The following ADGRL2 variants were observed in gnomAD, a reference collection of about 807,000 sequenced individuals.
The protein encoded by ADGRL2 is calcium-independent alpha-latrotoxin receptor 2.
Under a neutral mutation model 157.4 loss-of-function variants are expected in ADGRL2, and 44 were observed. The observed-to-expected ratio is 0.28, with a 90% CI of 0.22 to 0.36. The LOEUF is 0.36. ADGRL2 is among the 10% of genes least tolerant of loss of function. The probability of loss-of-function intolerance (pLI) is 1.00; values close to 1 mark genes in which losing one functional copy is unlikely to be tolerated. For synonymous variants in ADGRL2, 585 were observed against 624.7 expected (o/e 0.94, Z 0.95); for missense variants, 1,510 against 1,768.9 (o/e 0.85, Z 2.63).
chr1:81,896,217 G>T (rs1948395), intron 2 of ADGRL2, among the ~76,000 whole-genome samples: 42,129 of 152,008 alleles, frequency 0.28, 6,454 homozygotes, highest in Non-Finnish European at 0.32. Context: ...AGTTACTTAA[G>T]AATTTTAATT....
intron 1 of ADGRL2, among the ~76,000 whole-genome samples, chr1:81,820,989 T>A (rs550632083): frequency 6.6e-6 from 1 of 152,244 alleles, no homozygotes; most frequent in East Asian, 1.9e-4. Context: ...AGGATCCTTG[T>A]CAGAATTGTC....
At chr1:81,955,643 A>T (rs1315369072) in intron 10 of ADGRL2, 2 of 364,372 alleles carry the variant, frequency 5.5e-6, no homozygotes, top group East Asian at 8.4e-5. Flanking sequence ...CACCTTCTAC[A>T]CTTACTGTTT....
chr1:81,833,681 G>T (rs531717111), intron 1 of ADGRL2, among the ~76,000 whole-genome samples: 1 of 152,230 alleles, frequency 6.6e-6, no homozygotes. Context: ...AAGTAATTTT[G>T]CGGACAGTTT....
At chr1:81,898,278 A>T (rs17428900) in intron 2 of ADGRL2, among the ~76,000 whole-genome samples, 10,843 of 152,198 alleles carry the variant, frequency 0.071, 396 homozygotes, top group South Asian at 0.091. Flanking sequence ...TGGGTATTTC[A>T]TGCTCACCCC....
chr1:81,747,934 C>T (rs1480705630), intron 1 of ADGRL2, among the ~76,000 whole-genome samples: 1 of 151,928 alleles, frequency 6.6e-6, no homozygotes, highest in Non-Finnish European at 1.5e-5. Context: ...GAGTAGCTTG[C>T]CCAAAATTAT....
chr1:81,718,751 A>G (rs1408186580), intron 1 of ADGRL2, among the ~76,000 whole-genome samples: 1 of 152,250 alleles, frequency 6.6e-6, no homozygotes, highest in African/African-American at 2.4e-5. Flanking sequence ...AAACTCAAAC[A>G]GCAGGATCTC....
intron 3 of ADGRL2, among the ~76,000 whole-genome samples, chr1:81,678,041 T>G (rs775288220): frequency 6.6e-6 from 1 of 152,218 alleles, no homozygotes; most frequent in Non-Finnish European, 1.5e-5. Context: ...GAACAACTAT[T>G]CATCTTTAAG....
Position 81,993,553 on chromosome 1 carries a change from A to C in ADGRL2, c.*2408A>C. ...TACTGTTCTCTAACGTCTTTATCCT[A>C]TGGATTCAATTTGGAAGCCATCATT... On this transcript the variant is annotated 3_prime_UTR_variant, in exon 24 of 24. Transcript: ENST00000686636. 6.6e-6 allele frequency among the ~76,000 whole-genome samples: 1 copy of C among 152,142 alleles called. No homozygotes were observed. The highest frequency in any genetic ancestry group is 1.5e-5 in the Non-Finnish European group (1 of 68,022).
At chr1:81,818,868 G>A (rs1051023154) in intron 1 of ADGRL2, among the ~76,000 whole-genome samples, 3 of 152,150 alleles carry the variant, frequency 2.0e-5, no homozygotes, top group African/African-American at 7.2e-5. Context: ...ACTGAAGGCA[G>A]AGGAGGATTG....
intron 1 of ADGRL2, among the ~76,000 whole-genome samples, chr1:81,733,846 G>A (rs2084807580): frequency 1.3e-5 from 2 of 152,138 alleles, no homozygotes; most frequent in Non-Finnish European, 2.9e-5. Context: ...GGTAGAGGGT[G>A]GGAGCAGGGG....
chr1:81,465,879 A>G (rs2078042136), intron 2 of ADGRL2, among the ~76,000 whole-genome samples: 1 of 152,238 alleles, frequency 6.6e-6, no homozygotes, highest in Non-Finnish European at 1.5e-5. Flanking sequence ...AGCTTGTGGT[A>G]CACAAATCTT....
At chr1:81,440,407 G>T (rs979104426) in intron 1 of ADGRL2, among the ~76,000 whole-genome samples, 4 of 152,140 alleles carry the variant, frequency 2.6e-5, no homozygotes, top group Admixed American at 6.5e-5. Context: ...GTACTTAAAG[G>T]TTGGACATTA....
intron 3 of ADGRL2, among the ~76,000 whole-genome samples, chr1:81,621,980 A>G (rs1402752068): frequency 6.6e-6 from 1 of 152,202 alleles, no homozygotes; most frequent in Non-Finnish European, 1.5e-5. Context: ...GTTCCACCGT[A>G]GGTTGAAAGC....
At chr1:81,901,341 G>T (rs2094483062) in intron 2 of ADGRL2, among the ~76,000 whole-genome samples, 1 of 152,016 alleles carries the variant, frequency 6.6e-6, no homozygotes, top group Non-Finnish European at 1.5e-5. Context: ...TTTTTCAAAG[G>T]CCTTAGAGAC....
chr1:81,558,730 A>AAT (rs1431800742), intron 2 of ADGRL2, among the ~76,000 whole-genome samples: 1 of 152,222 alleles, frequency 6.6e-6, no homozygotes, highest in African/African-American at 2.4e-5. Flanking sequence ...GTTAACTTTC[A>AAT]ATACATGTTT....
At chr1:81,891,377 T>TA (rs2094259864) in intron 2 of ADGRL2, among the ~76,000 whole-genome samples, 1 of 152,094 alleles carries the variant, frequency 6.6e-6, no homozygotes, top group African/African-American at 2.4e-5. Context: ...TGGTTATTGT[T>TA]AGAGTATGTT....
At chr1:81,496,300 T>G (rs897862358) in intron 2 of ADGRL2, among the ~76,000 whole-genome samples, 1 of 152,210 alleles carries the variant, frequency 6.6e-6, no homozygotes, top group Non-Finnish European at 1.5e-5. Context: ...TAAAACCTTT[T>G]ATGCATGGCA....
chr1:81,614,665 G>A (rs148942870), intron 3 of ADGRL2, among the ~76,000 whole-genome samples: 1 of 152,216 alleles, frequency 6.6e-6, no homozygotes, highest in East Asian at 1.9e-4. Flanking sequence ...CAGGGCTCAT[G>A]GGCGTATTGG....
At chr1:81,435,462 A>G (rs1449238034) in intron 1 of ADGRL2, among the ~76,000 whole-genome samples, 1 of 152,220 alleles carries the variant, frequency 6.6e-6, no homozygotes, top group Non-Finnish European at 1.5e-5. Context: ...CGAGAGTTCA[A>G]TGAATTCAAA....
Sources: gnomAD v4.1 joint callset for allele counts (sites outside exome capture counted in the v4.1 genomes callset) on GRCh38, gnomAD v4.1.1 for gene constraint, MANE v1.5 for transcripts, NCBI Gene and HGNC (gene_info 2026-07-23, HGNC 2026-07-21) for gene names.